Variants in C4orf51 observed in about 807,000 individuals in gnomAD.
C4orf51 encodes uncharacterized protein C4orf51.
A neutral mutation model predicts 25.2 loss-of-function variants in C4orf51; 25 were observed. The ratio of observed to expected loss-of-function variants is 0.99; its 90% CI spans 0.72 to 1.39. The LOEUF (loss-of-function observed/expected upper bound fraction) is 1.39. C4orf51 is among the 40% of genes most tolerant of loss of function. C4orf51 has a pLI of 0.00. For missense variants in C4orf51, 252 were observed against 239.6 expected, an observed-to-expected ratio of 1.05 and a Z score of -0.34; for synonymous variants, 100 against 84.5, an observed-to-expected ratio of 1.18 and a Z score of -1.01.
intron 2 of C4orf51, among the ~76,000 whole-genome samples, chr4:145,699,296 A>G (rs34636198): frequency 0.16 from 8,761 of 56,088 alleles, 1,218 homozygotes; most frequent in Middle Eastern, 0.22. Flanking sequence ...GACTTGGATC[A>G]GGGACCTCCC....
intron 1 of C4orf51, among the ~76,000 whole-genome samples, chr4:145,745,516 C>T (rs1733326783): frequency 6.6e-6 from 1 of 152,172 alleles, no homozygotes; most frequent in South Asian, 2.1e-4. Context: ...ACATAACAAT[C>T]TCCAGTTCCA....
intron 2 of C4orf51, among the ~76,000 whole-genome samples, chr4:145,712,984 G>A (rs1321674555): frequency 1.3e-5 from 2 of 152,186 alleles, no homozygotes; most frequent in Non-Finnish European, 2.9e-5. Context: ...GTATCAATGG[G>A]ACAACAAAGC....
rs775458175 is a variant in C4orf51, at chr4:145,761,612, C to G, written n.167-9376C>G. 2.4e-6 allele frequency: 3 copies of G among 1,240,420 alleles called. No homozygotes were observed. In the South Asian group the frequency reaches 4.1e-5, roughly 17 times the overall value. 76.8% of individuals were successfully genotyped at this position (1,240,420 alleles called of 1,614,324 possible). The stretch of plus-strand genomic sequence containing the variant: ...CAGAATGGGCACCTGCCGGGGAAAG[C>G]AACGCAAGGGAGGTTCAGCCGGGAA... On this transcript the variant is annotated intron_variant and non_coding_transcript_variant, in intron 1 of 1. Transcript: ENST00000510096. This position sits in a 1 kb window ranked among gnomAD's most constrained non-coding sequence, Gnocchi z 6.8.
At chr4:145,733,398 C>T (rs1261329494), downstream of C4orf51, among the ~76,000 whole-genome samples, 1 of 152,224 alleles carries the variant, frequency 6.6e-6, no homozygotes, top group African/African-American at 2.4e-5. Context: ...AGGGGCTGCA[C>T]ATGACCTGGG....
downstream of C4orf51, among the ~76,000 whole-genome samples, chr4:145,756,007 A>G (rs901128887): frequency 3.3e-5 from 5 of 152,178 alleles, no homozygotes; most frequent in Admixed American, 6.5e-5. Context: ...ATCTCTCACT[A>G]AGCACCTCTT....
At chr4:145,732,399 A>T in intron 5 of C4orf51, 54 bp from the exon 6 acceptor site, 1 of 1,138,254 alleles carries the variant, frequency 8.8e-7, no homozygotes, top group Non-Finnish European at 1.3e-6. Context: ...AATTCTGTGG[A>T]AAAGTGACCT....
Position 145,732,653 on chromosome 4 carries a change from G to A in C4orf51, c.*93G>A. 2 of 635,558 alleles carry A rather than the reference G, an allele frequency of 3.1e-6. No individual in the cohort carries two copies. The highest frequency in any genetic ancestry group is 4.9e-6 in the Non-Finnish European group (2 of 405,996). The allele number at this position is 635,558 out of a possible 1,614,324, so 39.4% of individuals were successfully genotyped here. On this transcript the variant is annotated 3_prime_UTR_variant, in exon 6 of 6. Coordinates refer to ENST00000438731, the MANE Select transcript of C4orf51 (RefSeq NM_001080531.3). The stretch of plus-strand genomic sequence containing the variant: ...CCCTCCCAACACCCTCCCCCCACCC[G>A]CCCCGCCCAGGAACGTCTGGACCCT...
chr4:145,787,514 T>C, the C4orf51 span, among the ~76,000 whole-genome samples: 6 of 151,766 alleles, frequency 4.0e-5, no homozygotes, highest in African/African-American at 1.2e-4. Flanking sequence ...TGTGCTCAGT[T>C]AGAAACACTG....
At chr4:145,779,359 G>A in the C4orf51 span, 1 of 1,613,310 alleles carries the variant, frequency 6.2e-7, no homozygotes, top group Non-Finnish European at 8.5e-7. Flanking sequence ...GACAGCCCAG[G>A]CCCTACTCAC....
chr4:145,728,789 T>C (rs536056814), intron 3 of C4orf51, among the ~76,000 whole-genome samples: 1 of 152,352 alleles, frequency 6.6e-6, no homozygotes, highest in African/African-American at 2.4e-5. Flanking sequence ...ATTTCCTTTA[T>C]CCATTTTCCT....
At chr4:145,768,395 C>A (rs1310911333) in intron 1 of C4orf51, among the ~76,000 whole-genome samples, 2 of 152,104 alleles carry the variant, frequency 1.3e-5, no homozygotes, top group Non-Finnish European at 2.9e-5. Flanking sequence ...GAACTCCTGA[C>A]CTCAAGTGAT....
At chr4:145,777,211 G>A in the C4orf51 span, among the ~76,000 whole-genome samples, 137 of 152,328 alleles carry the variant, frequency 9.0e-4, 2 homozygotes, top group African/African-American at 3.1e-3. Context: ...GAGCCCCACT[G>A]TCCAGATAAA....
At chr4:145,683,804 C>G (rs1356649692) in intron 1 of C4orf51, among the ~76,000 whole-genome samples, 1 of 152,138 alleles carries the variant, frequency 6.6e-6, no homozygotes, top group Non-Finnish European at 1.5e-5. Flanking sequence ...TAGAAGATAA[C>G]AGGAGAAACC....
chr4:145,723,943 T>C (rs912008781), intron 2 of C4orf51, among the ~76,000 whole-genome samples: 15 of 152,194 alleles, frequency 9.9e-5, no homozygotes, highest in Non-Finnish European at 2.1e-4. Context: ...CCTCTCCATA[T>C]ACCGCTAAAG....
At chr4:145,713,698 T>C (rs1397255993) in intron 2 of C4orf51, among the ~76,000 whole-genome samples, 1 of 152,238 alleles carries the variant, frequency 6.6e-6, no homozygotes, top group African/African-American at 2.4e-5. Context: ...ACTGAACTGA[T>C]AGAGCAGCAA....
chr4:145,708,609 G>C (rs2126721713), intron 2 of C4orf51, among the ~76,000 whole-genome samples: 1 of 152,310 alleles, frequency 6.6e-6, no homozygotes, highest in South Asian at 2.1e-4. Flanking sequence ...GGGAACAGAG[G>C]AGATACTGGA....
chr4:145,781,232 A>G, the C4orf51 span, among the ~76,000 whole-genome samples: 4 of 150,350 alleles, frequency 2.7e-5, no homozygotes, highest in African/African-American at 7.3e-5. Context: ...AAAAAAGAAA[A>G]AAAAAAAAAG....
At chr4:145,698,153 C>T (rs1412442160) in intron 2 of C4orf51, among the ~76,000 whole-genome samples, 1 of 152,036 alleles carries the variant, frequency 6.6e-6, no homozygotes, top group African/African-American at 2.4e-5. Flanking sequence ...AAGTCATTTC[C>T]CATTTTTAAA....
Position 145,765,313 on chromosome 4 carries a change from C to A in C4orf51, n.167-5675C>A, listed in dbSNP as rs1560888192. 8.8e-6 allele frequency: 9 copies of A among 1,018,346 alleles called. No individual in the cohort carries two copies. The highest frequency in any genetic ancestry group is 4.2e-6 in the Non-Finnish European group (3 of 716,916). 63.1% of individuals were successfully genotyped at this position (1,018,346 alleles called of 1,614,324 possible). A position where few individuals can be genotyped will look rare whatever the true frequency, so the allele number is the denominator to read the frequency against. On this transcript the variant is annotated intron_variant and non_coding_transcript_variant, in intron 1 of 1. Transcript: ENST00000510096. The surrounding 1 kb of genome is among the most constrained non-coding windows in gnomAD (Gnocchi z 4.7). Reference sequence around the variant, plus strand: ...AGGCACTGTTCCCCATATCTCTGTGCTAAAAGGAGTTAAATGTACAAACAT... The same window carrying A: ...AGGCACTGTTCCCCATATCTCTGTGATAAAAGGAGTTAAATGTACAAACAT...
Sources: allele counts gnomAD v4.1 joint callset (sites outside exome capture counted in the v4.1 genomes callset), GRCh38; gene constraint gnomAD v4.1.1; non-coding constraint Gnocchi (gnomAD v3.1); transcripts MANE v1.5; gene names NCBI Gene and HGNC (gene_info 2026-07-23, HGNC 2026-07-21).